The following PLA1A variants were observed in gnomAD, a reference collection of about 807,000 sequenced individuals.
The protein encoded by PLA1A is phosphatidylserine-specific phospholipase A1alpha.
Under a neutral mutation model 49.4 loss-of-function variants are expected in PLA1A, and 47 were observed. The ratio of observed to expected loss-of-function variants is 0.95; its 90% CI spans 0.75 to 1.21. The LOEUF is 1.21. Among genes scored for constraint, PLA1A ranks in the 50% most tolerant of loss-of-function variants. The pLI is 0.00. For missense variants in PLA1A, 561 were observed against 563.9 expected (o/e 0.99, Z 0.05); for synonymous variants, 224 against 207.9 (o/e 1.08, Z -0.67).
chr3:119,612,947 G>A (rs2082789321), intron 4 of PLA1A, 70 bp from the exon 5 acceptor site: 3 of 967,890 alleles, frequency 3.1e-6, no homozygotes, highest in African/African-American at 1.7e-5. Context: ...AAGGGTGGGT[G>A]TGTGGTGGGT....
intron 5 of PLA1A, among the ~76,000 whole-genome samples, chr3:119,614,571 A>T (rs1449073149): frequency 7.0e-6 from 1 of 142,634 alleles, no homozygotes; most frequent in Non-Finnish European, 1.5e-5. Context: ...TTGCCACTGC[A>T]CTCCAGCCTG....
intron 2 of PLA1A, among the ~76,000 whole-genome samples, chr3:119,608,240 GAGAGAAAGAA>G (rs2082716927): frequency 7.7e-6 from 1 of 129,126 alleles, no homozygotes; most frequent in Non-Finnish European, 1.7e-5. Flanking sequence ...GAGAAAGAAA[GAGAGAAAGAA>G]AGAAAGAAAG....
At chr3:119,605,358 G>A (rs1293736791) in intron 1 of PLA1A, among the ~76,000 whole-genome samples, 1 of 152,190 alleles carries the variant, frequency 6.6e-6, no homozygotes, top group African/African-American at 2.4e-5. Context: ...GCTCCAGAAG[G>A]CCTCATGGCT....
chr3:119,609,698 AT>A (rs1200902953), intron 4 of PLA1A, 122 bp downstream of exon 4: 1 of 538,222 alleles, frequency 1.9e-6, no homozygotes, highest in African/African-American at 2.0e-5. Context: ...CAAGTCACCT[AT>A]TACCACTAAA....
intron 9 of PLA1A, 142 bp from the exon 10 acceptor site, chr3:119,628,559 C>T (rs2052577299): frequency 1.6e-6 from 1 of 642,502 alleles, no homozygotes; most frequent in Admixed American, 2.9e-5. Flanking sequence ...GTGAAGGTGA[C>T]ACAAAGGACT....
chr3:119,629,453 G>T lies in PLA1A; in HGVS notation c.1356G>T (p.Lys452Asn). The change falls in exon 11 of 11, where the codon AAG becomes AAT. Residue 452 changes from lysine (K) to asparagine (N), a missense_variant. Physicochemically the swap from Lys to Asn is moderately conservative, Grantham distance 94. Transcript: ENST00000273371. ...QASVTVSCDL[K>N]IACV is the part of the protein sequence containing the mutation. ...GTGTGACTGTTTCCTGTGACCTGAA[G>T]ATAGCCTGTGTGTAGTTTAACCTGG... The T allele has an allele frequency of 1.3e-6, 2 of 1,596,252 alleles. No homozygotes were observed. Among genetic ancestry groups the T allele is most frequent in the Non-Finnish European group, 1.7e-6 (2 of 1,164,674 alleles).
chr3:119,629,498 A>ATATTTTTTT lies in PLA1A; in HGVS notation c.*31_*32insATTTTTTTT. Reference sequence around the variant, plus strand: ...ACCTGGGCAGGACACATCTCCCTGCATTTTTTTTTTTTTTTTGAGAGAGAG... The same window carrying ATATTTTTTT: ...ACCTGGGCAGGACACATCTCCCTGCATATTTTTTTTTTTTTTTTTTTTTTTGAGAGAGAG... On this transcript the variant is annotated 3_prime_UTR_variant, in exon 11 of 11. Coordinates refer to ENST00000273371, the MANE Select transcript of PLA1A (RefSeq NM_015900.4). 1 of 876,096 alleles carries ATATTTTTTT rather than the reference A, an allele frequency of 1.1e-6. No homozygotes were observed. Among genetic ancestry groups the ATATTTTTTT allele is most frequent in the Non-Finnish European group, 1.8e-6 (1 of 566,664 alleles). 54.3% of individuals were successfully genotyped at this position (876,096 alleles called of 1,614,324 possible). A position where few individuals can be genotyped will look rare whatever the true frequency, so the allele number is the denominator to read the frequency against.
intron 1 of PLA1A, among the ~76,000 whole-genome samples, chr3:119,601,790 C>T (rs2082621717): frequency 6.6e-6 from 1 of 152,192 alleles, no homozygotes; most frequent in South Asian, 2.1e-4. Flanking sequence ...AAATGGAATA[C>T]TTCTAATATT....
rs912816807 is a variant in PLA1A at position 119,619,272 on chromosome 3, G to C, written c.923-291G>C. Among the ~76,000 whole-genome samples, 4 of 152,238 alleles carry C rather than the reference G, an allele frequency of 2.6e-5. No individual in the cohort carries two copies. The East Asian group carries it at 7.7e-4, about 29-fold the overall frequency. On this transcript the variant is annotated intron_variant, in intron 7 of 10. Coordinates refer to ENST00000273371, the MANE Select transcript of PLA1A (RefSeq NM_015900.4). ...TGTCATGAAAACAACTACTATAGGA[G>C]ATTGGTTTTGCAAGTTAGAGACAGA... is the stretch of plus-strand genomic sequence containing the variant.
chr3:119,598,097 CT>C (rs2082565832), intron 1 of PLA1A, 111 bp downstream of exon 1: 1 of 598,858 alleles, frequency 1.7e-6, no homozygotes, highest in African/African-American at 1.9e-5. Context: ...CCTTTTGCCT[CT>C]TCTGAGGTGA....
intron 3 of PLA1A, among the ~76,000 whole-genome samples, 159 bp from the exon 4 acceptor site, chr3:119,609,309 G>T (rs182001720): frequency 6.6e-6 from 1 of 152,314 alleles, no homozygotes; most frequent in East Asian, 1.9e-4. Context: ...GAGAAAAAGT[G>T]ATTAACAATG....
intron 9 of PLA1A, among the ~76,000 whole-genome samples, chr3:119,626,313 G>A (rs77772749): frequency 6.6e-6 from 1 of 152,188 alleles, no homozygotes; most frequent in Non-Finnish European, 1.5e-5. Context: ...ACCTGCAGGG[G>A]AATAGATCAG....
At chr3:119,607,500 T>C (rs1344874944) in intron 2 of PLA1A, among the ~76,000 whole-genome samples, 9 of 152,194 alleles carry the variant, frequency 5.9e-5, no homozygotes, top group Admixed American at 5.2e-4. Flanking sequence ...TCTATAGGGC[T>C]AGAAACAGAG....
intron 8 of PLA1A, among the ~76,000 whole-genome samples, chr3:119,622,704 TCAC>T (rs1408218911): frequency 6.6e-6 from 1 of 151,772 alleles, no homozygotes; most frequent in Non-Finnish European, 1.5e-5. Context: ...TATGTTCCCA[TCAC>T]CAAAGGAGCC....
chr3:119,622,186 G>C (rs1020661076), intron 8 of PLA1A, among the ~76,000 whole-genome samples: 1 of 45,568 alleles, frequency 2.2e-5, no homozygotes, highest in African/African-American at 6.0e-5. Flanking sequence ...AGAAGAAGAA[G>C]AAGAAGAAGA....
At chr3:119,598,759 C>A (rs1052251880) in intron 1 of PLA1A, 6 of 152,396 alleles carry the variant, frequency 3.9e-5, no homozygotes, top group African/African-American at 1.4e-4. Flanking sequence ...GGGTTGCTCA[C>A]ATCACCTTTG....
At chr3:119,624,638 T>TA (rs2082990712) in intron 8 of PLA1A, among the ~76,000 whole-genome samples, 1 of 150,880 alleles carries the variant, frequency 6.6e-6, no homozygotes, top group South Asian at 2.1e-4. Flanking sequence ...GTATCTATTT[T>TA]TTTTTTTTTT....
chr3:119,623,530 G>A (rs1237990601), intron 8 of PLA1A, among the ~76,000 whole-genome samples: 2 of 152,040 alleles, frequency 1.3e-5, no homozygotes. Context: ...CCCAGTCTAT[G>A]TTGGCGACAC....
At chr3:119,628,031 G>A (rs2052567991) in intron 9 of PLA1A, among the ~76,000 whole-genome samples, 1 of 152,214 alleles carries the variant, frequency 6.6e-6, no homozygotes, top group Admixed American at 6.5e-5. Context: ...CAAGAGGCTG[G>A]GTTAAGACAG....
Sources: gnomAD v4.1 joint callset for allele counts (sites outside exome capture counted in the v4.1 genomes callset) on GRCh38, gnomAD v4.1.1 for gene constraint, MANE v1.5 for transcripts, NCBI Gene and HGNC (gene_info 2026-07-23, HGNC 2026-07-21) for gene names.